The following PCDHGB5 variants were observed in gnomAD, a reference collection of about 807,000 sequenced individuals.
The protein encoded by PCDHGB5 is protocadherin gamma subfamily B, 5, also known as protocadherin gamma-B5.
Under a neutral mutation model 62.9 loss-of-function variants are expected in PCDHGB5, and 48 were observed. That is an observed-to-expected ratio of 0.76 (90% CI 0.61 to 0.97). The LOEUF (loss-of-function observed/expected upper bound fraction) is 0.97, where lower values mean the gene tolerates loss of function less well. PCDHGB5 is among the 50% of genes least tolerant of loss of function. The pLI is 0.00. For synonymous variants in PCDHGB5, 474 were observed against 511.2 expected (o/e 0.93, Z 0.98); for missense variants, 1,118 against 1,198.6 (o/e 0.93, Z 0.99).
chr5:141,433,032 C>G, intron 1 of PCDHGB5: 1 of 1,614,188 alleles, frequency 6.2e-7, no homozygotes, highest in Non-Finnish European at 8.5e-7. Context: ...CACGAGGTTT[C>G]CCTCACCACG....
intron 1 of PCDHGB5, chr5:141,405,588 G>T: frequency 1.7e-6 from 1 of 584,820 alleles, no homozygotes; most frequent in Non-Finnish European, 3.0e-6. Flanking sequence ...GGGACTACAG[G>T]CCTCCCAAGT....
intron 1 of PCDHGB5, chr5:141,423,694 T>C (rs1008861889): frequency 1.3e-6 from 2 of 1,501,552 alleles, no homozygotes; most frequent in Middle Eastern, 1.8e-4. Flanking sequence ...TAATTGTTGG[T>C]GTCTTGGCAC....
chr5:141,509,081 A>C (rs1279221589), intron 3 of PCDHGB5, among the ~76,000 whole-genome samples: 2 of 152,160 alleles, frequency 1.3e-5, no homozygotes, highest in Non-Finnish European at 2.9e-5. Flanking sequence ...GATTTGCGAC[A>C]TGAAATGGGG....
rs1042973261 is a variant in PCDHGB5 at position 141,491,547 on chromosome 5, G to T, written c.2398-3260G>T. ...AGGTGACGCTGCGGCCCACAGACTC[G>T]CAGAGCCACTGCTACAGGACGTGCT... On this transcript the variant is annotated intron_variant, in intron 1 of 3. Transcript: ENST00000617380. The surrounding 1 kb of genome is among the most constrained non-coding windows in gnomAD (Gnocchi z 6.9). 6.8e-6 allele frequency: 11 copies of T among 1,613,856 alleles called. No homozygotes were observed. Among genetic ancestry groups the T allele is most frequent in the Middle Eastern group, 1.6e-4 (1 of 6,084 alleles).
chr5:141,427,028 C>T (rs960885416), intron 1 of PCDHGB5: 12 of 456,928 alleles, frequency 2.6e-5, no homozygotes, highest in Admixed American at 2.1e-4. Flanking sequence ...ACAAAGTCAG[C>T]CTTAGAGAGA....
In PCDHGB5 at chr5:141,489,153, G is replaced by C; in HGVS notation, c.2398-5654G>C. Reference sequence around the variant, plus strand: ...TTTAAGAGGCTGGAAGGAGACATAAGAGACTTCAGCTGCTGCATTCCAAGC... The same window carrying C: ...TTTAAGAGGCTGGAAGGAGACATAACAGACTTCAGCTGCTGCATTCCAAGC... On this transcript the variant is annotated intron_variant, in intron 1 of 3. Coordinates refer to ENST00000617380, the MANE Select transcript of PCDHGB5 (RefSeq NM_018925.3). This position sits in a 1 kb window ranked among gnomAD's most constrained non-coding sequence, Gnocchi z 4.5. 1 of 935,832 alleles carries C rather than the reference G, an allele frequency of 1.1e-6. No individual in the cohort carries two copies. Among genetic ancestry groups the C allele is most frequent in the Non-Finnish European group, 1.6e-6 (1 of 627,178 alleles). The allele number at this position is 935,832 out of a possible 1,614,324, so 58.0% of individuals were successfully genotyped here.
At chr5:141,408,563 G>T (rs1266893654) in intron 1 of PCDHGB5, 1 of 1,614,040 alleles carries the variant, frequency 6.2e-7, no homozygotes, top group South Asian at 1.1e-5. Flanking sequence ...TCATGTCATT[G>T]TGGTGATTGA....
chr5:141,419,515 G>T, intron 1 of PCDHGB5: 1 of 1,612,264 alleles, frequency 6.2e-7, no homozygotes, highest in Non-Finnish European at 8.5e-7. Flanking sequence ...GCGTGTTGGT[G>T]GGCGACCGTA....
Position 141,404,868 on chromosome 5 carries a change from A to G in PCDHGB5, c.2397+4344A>G, listed in dbSNP as rs375122600. On this transcript the variant is annotated intron_variant, in intron 1 of 3. Coordinates refer to ENST00000617380, the MANE Select transcript of PCDHGB5 (RefSeq NM_018925.3). Reference sequence around the variant, plus strand: ...GCCCTGCTAGATAGAGATGCGCTCAAACAGAGCCTTGTGGTGGCTGTACAG... The same window carrying G: ...GCCCTGCTAGATAGAGATGCGCTCAGACAGAGCCTTGTGGTGGCTGTACAG... 5.1e-5 allele frequency: 83 copies of G among 1,613,770 alleles called. 1 individual carries two copies. The highest frequency in any genetic ancestry group is 6.9e-5 in the Non-Finnish European group (81 of 1,179,896).
chr5:141,418,314 C>T, intron 1 of PCDHGB5: 1 of 1,613,988 alleles, frequency 6.2e-7, no homozygotes. Context: ...GGGATGGGAA[C>T]AATTCTTGAG....
chr5:141,495,449 GCT>G (rs560850951), intron 2 of PCDHGB5, among the ~76,000 whole-genome samples: 3 of 152,194 alleles, frequency 2.0e-5, no homozygotes, highest in Non-Finnish European at 2.9e-5. Flanking sequence ...TACTTGTCCT[GCT>G]CTCTGTCTGT....
At chr5:141,410,697 T>G in intron 1 of PCDHGB5, 1 of 1,489,152 alleles carries the variant, frequency 6.7e-7, no homozygotes, top group Non-Finnish European at 9.0e-7. Context: ...TACTTTATTT[T>G]CATATCTAGA....
intron 1 of PCDHGB5, among the ~76,000 whole-genome samples, chr5:141,407,505 T>TTTTTTTTTTTTTTTTTTTTTTTGAG (rs1460306566): frequency 6.6e-6 from 1 of 152,146 alleles, no homozygotes; most frequent in Non-Finnish European, 1.5e-5. Context: ...CTGTTTTTCT[T>TTTTTTTTTTTTTTTTTTTTTTTGAG]AGGCTATGTA....
chr5:141,485,525 C>A lies in PCDHGB5; in HGVS notation c.2398-9282C>A. On this transcript the variant is annotated intron_variant, in intron 1 of 3. Transcript: ENST00000617380. This position sits in a 1 kb window ranked among gnomAD's most constrained non-coding sequence, Gnocchi z 5.7. ...CACCGAAGGTCCTTTGGAAATGTAC[C>A]GAGCAGAGGTAGAGATCGTAGATGT... The A allele has an allele frequency of 5.6e-6, 9 of 1,614,122 alleles. No individual in the cohort carries two copies. Among genetic ancestry groups the A allele is most frequent in the Non-Finnish European group, 7.6e-6 (9 of 1,180,022 alleles).
At chr5:141,480,910 T>C (rs985100480) in intron 1 of PCDHGB5, among the ~76,000 whole-genome samples, 5 of 152,106 alleles carry the variant, frequency 3.3e-5, no homozygotes, top group Non-Finnish European at 7.4e-5. Flanking sequence ...CTGGGCATGG[T>C]GGCGCATACC....
At chr5:141,415,750 T>TTTG in intron 1 of PCDHGB5, 2 of 1,313,212 alleles carry the variant, frequency 1.5e-6, no homozygotes, top group African/African-American at 1.6e-5. Context: ...GTTTTTTTTT[T>TTTG]TTTTTTTTTT....
rs765661515 is a variant in PCDHGB5 at position 141,398,665 on chromosome 5, T to C, written c.538T>C (p.Leu180=). The stretch of plus-strand genomic sequence containing the variant: ...ACTCTCTCTTAACCCAAGTTTCTCA[T>C]TAATAATTAAGGAGAAACAGGATGG... ...YKLSLNPSFS[L]IIKEKQDGSK... is the part of the protein sequence containing the mutation. The change falls in exon 1 of 4, where the codon TTA becomes CTA. Residue 180 remains leucine, a synonymous_variant. Transcript: ENST00000617380. 1.9e-6 allele frequency: 3 copies of C among 1,614,002 alleles called. No homozygotes were observed. In the South Asian group the frequency reaches 3.3e-5, roughly 18 times the overall value.
intron 1 of PCDHGB5, among the ~76,000 whole-genome samples, chr5:141,460,958 T>C (rs182414946): frequency 8.2e-6 from 1 of 121,926 alleles, no homozygotes; most frequent in Non-Finnish European, 1.6e-5. Context: ...TATGTATATA[T>C]ATATGTGTGT....
intron 1 of PCDHGB5, chr5:141,423,333 C>T (rs761192305): frequency 3.1e-6 from 5 of 1,614,184 alleles, no homozygotes; most frequent in Non-Finnish European, 4.2e-6. Context: ...CCGCAGTCTC[C>T]TGCATCTTCC....
Sources: allele counts gnomAD v4.1 joint callset (sites outside exome capture counted in the v4.1 genomes callset), GRCh38; gene constraint gnomAD v4.1.1; non-coding constraint Gnocchi (gnomAD v3.1); transcripts MANE v1.5; gene names NCBI Gene and HGNC (gene_info 2026-07-23, HGNC 2026-07-21).